Variants in TTC28 observed in about 807,000 individuals in gnomAD.
TTC28 encodes tetratricopeptide repeat protein 28.
Under a neutral mutation model 198.0 loss-of-function variants are expected in TTC28, and 61 were observed. The observed-to-expected ratio is 0.31, with a 90% confidence interval of 0.25 to 0.38. The LOEUF (loss-of-function observed/expected upper bound fraction) is 0.38. TTC28 is among the 10% of genes least tolerant of loss of function. TTC28 has a pLI of 1.00. For synonymous variants in TTC28, 1,171 were observed against 1,297.8 expected, an observed-to-expected ratio of 0.90 and a Z score of 2.10; for missense variants, 2,678 against 3,164.0, an observed-to-expected ratio of 0.85 and a Z score of 3.69.
intron 2 of TTC28, among the ~76,000 whole-genome samples, chr22:28,611,225 A>G (rs2050812755): frequency 6.6e-6 from 1 of 152,180 alleles, no homozygotes; most frequent in Non-Finnish European, 1.5e-5. Context: ...CACCACTAAG[A>G]CACTGCTCGA....
intron 2 of TTC28, among the ~76,000 whole-genome samples, chr22:28,614,671 C>G (rs2050872620): frequency 1.3e-5 from 2 of 152,154 alleles, no homozygotes; most frequent in South Asian, 4.1e-4. Flanking sequence ...TTTGACAAAC[C>G]TGACAGCAAC....
intron 12 of TTC28, among the ~76,000 whole-genome samples, chr22:28,069,201 T>C (rs1019937607): frequency 2.6e-5 from 4 of 152,230 alleles, no homozygotes; most frequent in Non-Finnish European, 5.9e-5. Flanking sequence ...AGGAGGCATG[T>C]TGGCACTCTG....
intron 12 of TTC28, among the ~76,000 whole-genome samples, chr22:28,051,185 T>C (rs781474437): frequency 3.3e-5 from 5 of 152,218 alleles, no homozygotes; most frequent in Admixed American, 6.5e-5. Context: ...CTAGATCTTT[T>C]GTAAAACCAC....
chr22:28,345,492 G>A (rs2045891138), intron 2 of TTC28, among the ~76,000 whole-genome samples: 1 of 152,208 alleles, frequency 6.6e-6, no homozygotes, highest in Non-Finnish European at 1.5e-5. Context: ...CTGGGTAGCT[G>A]AGGTGCCTGC....
At chr22:28,214,966 G>A (rs776372497) in intron 5 of TTC28, among the ~76,000 whole-genome samples, 1 of 152,184 alleles carries the variant, frequency 6.6e-6, no homozygotes, top group African/African-American at 2.4e-5. Context: ...AAAAGGATGA[G>A]TTCACGTCCT....
rs377494118 is a variant in TTC28 at position 28,663,132 on chromosome 22, C to CA, written c.102+16489dup. 6.6e-3 allele frequency among the ~76,000 whole-genome samples: 1,003 copies of CA among 151,726 alleles called. 15 individuals are homozygous for CA. The highest frequency in any genetic ancestry group is 0.023 in the African/African-American group (961 of 41,358). ...GCGTGGTGGCGAACGCCTGTAGTCC[C>CA]AGCTACTCGGAAGGCTGAGATAGGA... On this transcript the variant is annotated intron_variant, in intron 1 of 22. Transcript: ENST00000397906.
At chr22:28,490,240 C>T (rs998919220) in intron 2 of TTC28, among the ~76,000 whole-genome samples, 1 of 152,326 alleles carries the variant, frequency 6.6e-6, no homozygotes, top group South Asian at 2.1e-4. Context: ...CAAGTTGACA[C>T]TCAGTATTAA....
At chr22:28,459,246 G>A (rs1291237589) in intron 2 of TTC28, among the ~76,000 whole-genome samples, 1 of 152,100 alleles carries the variant, frequency 6.6e-6, no homozygotes, top group Admixed American at 6.5e-5. Flanking sequence ...GGGAAACATG[G>A]TGAAACCCAG....
chr22:27,985,133 C>A (rs1383292869), intron 22 of TTC28, 116 bp downstream of exon 22: 2 of 739,680 alleles, frequency 2.7e-6, no homozygotes, highest in Non-Finnish European at 4.4e-6. Context: ...AACAAACATA[C>A]ACAAAAAATG....
At chr22:28,184,156 T>G (rs138809330) in intron 5 of TTC28, among the ~76,000 whole-genome samples, 26 of 152,296 alleles carry the variant, frequency 1.7e-4, no homozygotes, top group Non-Finnish European at 2.9e-4. Flanking sequence ...ATGGGCTTAT[T>G]ATGACCACAC....
intron 2 of TTC28, among the ~76,000 whole-genome samples, chr22:28,309,067 G>T (rs146365447): frequency 1.6e-4 from 25 of 152,256 alleles, no homozygotes; most frequent in African/African-American, 6.0e-4. Flanking sequence ...TCAAGCTGAT[G>T]ATAAAACCTA....
chr22:28,236,730 C>A (rs1299749301), intron 5 of TTC28, among the ~76,000 whole-genome samples: 3 of 152,186 alleles, frequency 2.0e-5, no homozygotes, highest in Non-Finnish European at 4.4e-5. Context: ...ATTATCTCAA[C>A]ACTTTAAATT....
intron 5 of TTC28, among the ~76,000 whole-genome samples, chr22:28,221,391 G>A (rs1927849408): frequency 6.6e-6 from 1 of 152,172 alleles, no homozygotes; most frequent in African/African-American, 2.4e-5. Context: ...AATAACCCAG[G>A]GTTACCTTTG....
chr22:28,660,661 C>T (rs2051728350), intron 1 of TTC28, among the ~76,000 whole-genome samples: 1 of 152,182 alleles, frequency 6.6e-6, no homozygotes, highest in Admixed American at 6.5e-5. Context: ...GTAGCTGATA[C>T]TACAGGCATG....
chr22:28,085,817 A>T (rs2146826850), intron 12 of TTC28, among the ~76,000 whole-genome samples: 1 of 152,260 alleles, frequency 6.6e-6, no homozygotes, highest in Non-Finnish European at 1.5e-5. Context: ...ATGGAGGAAC[A>T]TCTACCAAGC....
In TTC28 at chr22:27,982,536, G is replaced by A; in HGVS notation, c.7131C>T (p.Ile2377=). The A allele has an allele frequency of 6.4e-7, 1 of 1,551,782 alleles. No individual in the cohort carries two copies. ...TPQHSTGPMK[I]FRGAPGTMTS... ...TCATCGTGCCAGGAGCCCCCCGGAAGATCTTCATTGGCCCTGTGGAATGCT... is the reference window on the plus strand; with the variant it reads ...TCATCGTGCCAGGAGCCCCCCGGAAAATCTTCATTGGCCCTGTGGAATGCT... The change falls in exon 23 of 23, where the codon ATC becomes ATT. Residue 2377 remains isoleucine (I), a synonymous_variant. Coordinates refer to ENST00000397906, the MANE Select transcript of TTC28 (RefSeq NM_001145418.2). The surrounding 1 kb of genome is among the most constrained non-coding windows in gnomAD (Gnocchi z 5.2).
At chr22:28,102,235 C>T (rs1942176812) in intron 8 of TTC28, among the ~76,000 whole-genome samples, 1 of 152,222 alleles carries the variant, frequency 6.6e-6, no homozygotes, top group African/African-American at 2.4e-5. Flanking sequence ...CAGCCTGACC[C>T]TGCCTTCTGT....
intron 5 of TTC28, among the ~76,000 whole-genome samples, chr22:28,164,128 G>C (rs1921590455): frequency 6.6e-6 from 1 of 152,200 alleles, no homozygotes; most frequent in Non-Finnish European, 1.5e-5. Context: ...GGCTTGAGTA[G>C]GTAAACAAAG....
At position 27,983,004 on chromosome 22, in the gene TTC28, A is replaced by G; in HGVS notation, c.6663T>C (p.His2221=). The G allele has an allele frequency of 1.3e-6, 2 of 1,551,542 alleles. No individual in the cohort carries two copies. Among genetic ancestry groups the G allele is most frequent in the Non-Finnish European group, 1.7e-6 (2 of 1,146,950 alleles). The change falls in exon 23 of 23, where the codon CAT becomes CAC. Residue 2221 remains histidine, a synonymous_variant. Transcript: ENST00000397906. ...TGACTGGTGATGGCTGACTCTTCTG[A>G]TGGGAGAGAACAGGCCTGCTGAACG... ...TSAFSRPVLS[H]QKSQPSPVTV... is the part of the protein sequence containing the mutation.
Sources: allele counts gnomAD v4.1 joint callset (sites outside exome capture counted in the v4.1 genomes callset), GRCh38; gene constraint gnomAD v4.1.1; non-coding constraint Gnocchi (gnomAD v3.1); transcripts MANE v1.5; gene names NCBI Gene and HGNC (gene_info 2026-07-23, HGNC 2026-07-21).